Variants in PLCG2 observed in about 807,000 individuals in gnomAD.
The protein encoded by PLCG2 is phospholipase C gamma 2.
Under a neutral mutation model 175.6 loss-of-function variants are expected in PLCG2, and 69 were observed. The ratio of observed to expected loss-of-function variants is 0.39; its 90% CI spans 0.32 to 0.48. The LOEUF (loss-of-function observed/expected upper bound fraction) is 0.48. Among genes scored for constraint, PLCG2 ranks in the 20% least tolerant of loss-of-function variants. The pLI is 0.91. For missense variants in PLCG2, 1,798 were observed against 1,650.9 expected (o/e 1.09, Z -1.54); for synonymous variants, 827 against 624.0 (o/e 1.33, Z -4.85).
At chr16:81,824,982 T>C (rs1356757698) in intron 2 of PLCG2, among the ~76,000 whole-genome samples, 2 of 152,074 alleles carry the variant, frequency 1.3e-5, no homozygotes, top group Non-Finnish European at 2.9e-5. Flanking sequence ...ATTCTGGCTT[T>C]GAAGGTGGAG....
chr16:81,808,684 G>C (rs976591458), intron 2 of PLCG2, among the ~76,000 whole-genome samples: 2 of 151,990 alleles, frequency 1.3e-5, no homozygotes, highest in African/African-American at 4.8e-5. Context: ...TAGTAGAGAT[G>C]GGGTTTCACT....
At chr16:81,758,546 C>G (rs1567695117) in intron 2 of PLCG2, among the ~76,000 whole-genome samples, 1 of 152,150 alleles carries the variant, frequency 6.6e-6, no homozygotes, top group East Asian at 1.9e-4. Context: ...TACAGTAGCT[C>G]TGCGTTTGAC....
intron 2 of PLCG2, among the ~76,000 whole-genome samples, chr16:81,789,103 T>C (rs1314026718): frequency 6.6e-6 from 1 of 152,110 alleles, no homozygotes; most frequent in Non-Finnish European, 1.5e-5. Context: ...GCTCTTCACA[T>C]GTATCCCGGA....
intron 2 of PLCG2, among the ~76,000 whole-genome samples, chr16:81,766,401 G>A (rs1337720727): frequency 6.6e-6 from 1 of 152,024 alleles, no homozygotes. Context: ...AAAGCAATCA[G>A]GCCTCTGTAC....
intron 5 of PLCG2, among the ~76,000 whole-genome samples, chr16:81,863,994 G>A (rs1907107287): frequency 6.6e-6 from 1 of 152,198 alleles, no homozygotes; most frequent in African/African-American, 2.4e-5. Context: ...CGGCAGTAGT[G>A]ATTCGGGTTT....
At chr16:81,742,096 C>A (rs563818724) in intron 1 of PLCG2, among the ~76,000 whole-genome samples, 1 of 129,640 alleles carries the variant, frequency 7.7e-6, no homozygotes, top group African/African-American at 3.1e-5. Context: ...ATGTGCTCAA[C>A]ATTTAAACAC....
chr16:81,790,165 A>G (rs1911167742), intron 2 of PLCG2, among the ~76,000 whole-genome samples: 1 of 152,188 alleles, frequency 6.6e-6, no homozygotes, highest in African/African-American at 2.4e-5. Context: ...CTGAATTCAT[A>G]GTGTGTGACA....
Position 81,941,833 on chromosome 16 carries a change from G to C in PLCG2, c.3481+1774G>C, listed in dbSNP as rs1327636662. ...CTACAGGTGTACACTACCACATCTG[G>C]CTAATTTTTGTATTTTTAGTAGAGA... On this transcript the variant is annotated intron_variant, in intron 30 of 32. Transcript: ENST00000564138. Among the ~76,000 whole-genome samples the C allele has an allele frequency of 3.3e-5, 5 of 151,842 alleles. No homozygotes were observed. In the East Asian group the frequency reaches 9.7e-4, roughly 29 times the overall value.
intron 1 of PLCG2, among the ~76,000 whole-genome samples, chr16:81,784,541 A>G (rs1208255075): frequency 9.9e-5 from 15 of 152,088 alleles, no homozygotes; most frequent in Admixed American, 9.8e-4. Flanking sequence ...CTCTAGTGCT[A>G]CTCTGTAACC....
At chr16:81,860,166 ATTATTAT>A (rs373839605) in intron 5 of PLCG2, among the ~76,000 whole-genome samples, 3,047 of 99,534 alleles carry the variant, frequency 0.031, 35 homozygotes, top group Middle Eastern at 0.09. Context: ...TATTATTATT[ATTATTAT>A]TTTTTTTTTT....
rs1911712707 is a variant in PLCG2 at position 81,959,759 on chromosome 16, C to G, written c.*1761C>G. The stretch of plus-strand genomic sequence containing the variant: ...ACTCTGTAGCCAGGGCCCCATTAGC[C>G]TTTGGCCAGGTAGCCACCAGAACCT... On this transcript the variant is annotated 3_prime_UTR_variant, in exon 33 of 33. Transcript: ENST00000564138. The G allele has an allele frequency of 5.4e-6, 1 of 184,774 alleles. No individual in the cohort carries two copies. The highest frequency in any genetic ancestry group is 1.1e-5 in the Non-Finnish European group (1 of 87,250). The allele number at this position is 184,774 out of a possible 1,614,324, so 11.4% of individuals were successfully genotyped here.
chr16:81,839,918 G>C (rs1905730585), intron 2 of PLCG2, among the ~76,000 whole-genome samples: 1 of 152,166 alleles, frequency 6.6e-6, no homozygotes, highest in Non-Finnish European at 1.5e-5. Context: ...AGGTGTGATG[G>C]TGCATGCCTG....
chr16:81,768,096 A>C (rs1396079238), intron 2 of PLCG2, among the ~76,000 whole-genome samples: 3 of 152,042 alleles, frequency 2.0e-5, no homozygotes, highest in Admixed American at 6.6e-5. Flanking sequence ...CACCATGTTG[A>C]CCAGGCTGGT....
intron 2 of PLCG2, among the ~76,000 whole-genome samples, chr16:81,805,967 G>A (rs187551992): frequency 6.6e-6 from 1 of 151,568 alleles, no homozygotes; most frequent in African/African-American, 2.4e-5. Context: ...TTTTCTAGTT[G>A]CCACATTCAT....
At chr16:81,925,017 G>A (rs1418597990) in intron 22 of PLCG2, among the ~76,000 whole-genome samples, 1 of 152,250 alleles carries the variant, frequency 6.6e-6, no homozygotes, top group Non-Finnish European at 1.5e-5. Flanking sequence ...CACTGGGTGG[G>A]TGACTAACAA....
At chr16:81,870,418 G>A (rs776329550) in intron 6 of PLCG2, among the ~76,000 whole-genome samples, 4 of 152,122 alleles carry the variant, frequency 2.6e-5, no homozygotes, top group Admixed American at 6.5e-5. Context: ...CTATATGTAC[G>A]TACTCTACAA....
intron 31 of PLCG2, among the ~76,000 whole-genome samples, chr16:81,950,033 AAGG>A: frequency 6.6e-6 from 1 of 152,340 alleles, no homozygotes; most frequent in Non-Finnish European, 1.5e-5. Flanking sequence ...AGGAGGAAAA[AAGG>A]AGATCAACAT....
intron 3 of PLCG2, among the ~76,000 whole-genome samples, chr16:81,855,830 A>T (rs1906654707): frequency 6.6e-6 from 1 of 152,082 alleles, no homozygotes; most frequent in South Asian, 2.1e-4. Flanking sequence ...TGGAGGAGGG[A>T]AATAGCATGT....
intron 2 of PLCG2, among the ~76,000 whole-genome samples, chr16:81,811,254 C>T (rs1384522998): frequency 6.6e-6 from 1 of 152,158 alleles, no homozygotes; most frequent in African/African-American, 2.4e-5. Flanking sequence ...CCGGTGGTAC[C>T]TTCCTCGTGT....
Sources: allele counts gnomAD v4.1 joint callset (sites outside exome capture counted in the v4.1 genomes callset), GRCh38; gene constraint gnomAD v4.1.1; transcripts MANE v1.5; gene names NCBI Gene and HGNC (gene_info 2026-07-23, HGNC 2026-07-21).